Variants in NME7 observed in about 807,000 individuals in gnomAD.
NME7 encodes nucleoside diphosphate kinase 7.
A neutral mutation model predicts 49.1 loss-of-function variants in NME7; 41 were observed. The ratio of observed to expected loss-of-function variants is 0.83; its 90% CI spans 0.65 to 1.08. The LOEUF is 1.08. NME7 is among the 50% of genes least tolerant of loss of function. NME7 has a pLI of 0.00. For synonymous variants in NME7, 139 were observed against 150.6 expected, an observed-to-expected ratio of 0.92 and a Z score of 0.56; for missense variants, 423 against 463.4, an observed-to-expected ratio of 0.91 and a Z score of 0.80.
intron 7 of NME7, among the ~76,000 whole-genome samples, chr1:169,249,096 T>C (rs12750161): frequency 0.25 from 37,264 of 151,968 alleles, 5,476 homozygotes; most frequent in Non-Finnish European, 0.34. Flanking sequence ...TTTCATGATA[T>C]TGATTATTCC....
intron 8 of NME7, among the ~76,000 whole-genome samples, 193 bp from the exon 9 acceptor site, chr1:169,235,392 T>C (rs1647816835): frequency 6.6e-6 from 1 of 152,056 alleles, no homozygotes; most frequent in Non-Finnish European, 1.5e-5. Context: ...ACAGCATCAC[T>C]CTAGGTTCTA....
intron 7 of NME7, among the ~76,000 whole-genome samples, chr1:169,242,026 C>A (rs557103469): frequency 1.1e-3 from 169 of 152,034 alleles, no homozygotes; most frequent in African/African-American, 3.9e-3. Flanking sequence ...TAGGCTCAAA[C>A]AATATTCCTG....
intron 10 of NME7, among the ~76,000 whole-genome samples, chr1:169,226,314 TG>T (rs1300086715): frequency 1.3e-5 from 2 of 152,192 alleles, no homozygotes; most frequent in Non-Finnish European, 2.9e-5. Flanking sequence ...AAAACAAACC[TG>T]TATTGGTTTG....
intron 10 of NME7, among the ~76,000 whole-genome samples, chr1:169,175,286 TCTC>T (rs1474195957): frequency 1.3e-5 from 2 of 152,100 alleles, no homozygotes; most frequent in African/African-American, 4.8e-5. Context: ...AGAGCTGTCA[TCTC>T]CTCTGATAAA....
Position 169,267,673 on chromosome 1 carries a change from G to C in NME7, c.754+19630C>G, listed in dbSNP as rs1321763481. 2.3e-5 allele frequency among the ~76,000 whole-genome samples: 3 copies of C among 133,186 alleles called. 1 individual carries two copies. The allele number at this position is 133,186 out of a possible 152,430, so 87.4% of individuals were successfully genotyped here. A position where few individuals can be genotyped will look rare whatever the true frequency, so the allele number is the denominator to read the frequency against. ...TGACAAAAACAAGCAATGGGGAAAG[G>C]ACTCCCTATTCAATAAATGATTCTG... is the stretch of plus-strand genomic sequence containing the variant. On this transcript the variant is annotated intron_variant, in intron 7 of 11. Coordinates refer to ENST00000367811, the MANE Select transcript of NME7 (RefSeq NM_013330.5).
chr1:169,350,938 A>G (rs1653150704), intron 1 of NME7, among the ~76,000 whole-genome samples: 1 of 152,082 alleles, frequency 6.6e-6, no homozygotes, highest in Non-Finnish European at 1.5e-5. Context: ...TGGGAATAAG[A>G]CTAGATCAAT....
chr1:169,202,716 T>C (rs1557985838), intron 10 of NME7, among the ~76,000 whole-genome samples: 1 of 152,174 alleles, frequency 6.6e-6, no homozygotes, highest in Non-Finnish European at 1.5e-5. Context: ...TTAAGGGTTG[T>C]AGTCTGAAGG....
intron 7 of NME7, among the ~76,000 whole-genome samples, chr1:169,245,470 G>C (rs1219484919): frequency 1.3e-5 from 2 of 152,072 alleles, no homozygotes; most frequent in Non-Finnish European, 2.9e-5. Flanking sequence ...GGGGTGGTGG[G>C]AAATAAAACG....
intron 11 of NME7, among the ~76,000 whole-genome samples, chr1:169,147,569 G>T (rs551958103): frequency 6.6e-6 from 1 of 152,270 alleles, no homozygotes; most frequent in Non-Finnish European, 1.5e-5. Flanking sequence ...ATATGGCCAG[G>T]ACTCCCTACA....
intron 10 of NME7, among the ~76,000 whole-genome samples, chr1:169,214,576 G>A (rs1660922147): frequency 6.6e-6 from 1 of 152,170 alleles, no homozygotes; most frequent in South Asian, 2.1e-4. Context: ...TATTTAAAAA[G>A]AGAGGAAAGA....
intron 3 of NME7, among the ~76,000 whole-genome samples, chr1:169,314,974 A>G (rs770313930): frequency 7.9e-5 from 12 of 152,164 alleles, no homozygotes; most frequent in Non-Finnish European, 1.8e-4. Flanking sequence ...CTTCATAGTA[A>G]TAAAAGATTC....
chr1:169,158,908 C>A (rs955883407), intron 11 of NME7, among the ~76,000 whole-genome samples: 1 of 152,186 alleles, frequency 6.6e-6, no homozygotes, highest in Non-Finnish European at 1.5e-5. Context: ...TAGCTAAATG[C>A]CTCTTGACCA....
At chr1:169,141,221 T>C (rs970771062) in intron 11 of NME7, among the ~76,000 whole-genome samples, 14 of 152,204 alleles carry the variant, frequency 9.2e-5, no homozygotes, top group Admixed American at 3.3e-4. Context: ...CAAGCCCATC[T>C]GATATCATTA....
In NME7 at chr1:169,181,197, TATC is replaced by T. The variant is rs1031334575; in HGVS notation, c.991-11646_991-11644del. Among the ~76,000 whole-genome samples the T allele has an allele frequency of 2.4e-4, 37 of 152,096 alleles. 1 individual carries two copies. Among genetic ancestry groups the T allele is most frequent in the African/African-American group, 8.7e-4 (36 of 41,490 alleles). ...TCTATCTACCTACCTATCTATAATT[TATC>T]ATGTCTGTTGCCCACTTATCCTCCA... On this transcript the variant is annotated intron_variant, in intron 10 of 11. Transcript: ENST00000367811.
At chr1:169,289,687 A>C (rs1024139847) in intron 6 of NME7, among the ~76,000 whole-genome samples, 2 of 152,118 alleles carry the variant, frequency 1.3e-5, no homozygotes, top group African/African-American at 4.8e-5. Context: ...TTCTCGCTCA[A>C]TTTTTAAAAA....
intron 7 of NME7, among the ~76,000 whole-genome samples, chr1:169,249,155 T>G (rs994266117): frequency 2.0e-5 from 3 of 152,186 alleles, no homozygotes; most frequent in African/African-American, 7.2e-5. Context: ...CATCTATGAT[T>G]TCTATCAGCA....
chr1:169,133,890 T>C (rs1658338864), intron 11 of NME7, among the ~76,000 whole-genome samples: 1 of 152,198 alleles, frequency 6.6e-6, no homozygotes, highest in Non-Finnish European at 1.5e-5. Flanking sequence ...AAGGGGAGCA[T>C]TCATTCAAAC....
chr1:169,294,774 C>T (rs1413733736), intron 6 of NME7, among the ~76,000 whole-genome samples: 2 of 152,076 alleles, frequency 1.3e-5, no homozygotes, highest in African/African-American at 2.4e-5. Flanking sequence ...AAATTAAATG[C>T]ACAAAATATA....
At chr1:169,320,385 C>A (rs1651809035) in intron 3 of NME7, among the ~76,000 whole-genome samples, 1 of 152,128 alleles carries the variant, frequency 6.6e-6, no homozygotes, top group South Asian at 2.1e-4. Context: ...GATAACTGCT[C>A]CCCAATTAGC....
Sources: allele counts gnomAD v4.1 joint callset (sites outside exome capture counted in the v4.1 genomes callset), GRCh38; gene constraint gnomAD v4.1.1; transcripts MANE v1.5; gene names NCBI Gene and HGNC (gene_info 2026-07-23, HGNC 2026-07-21).